The following DOCK5 variants were observed in gnomAD, a reference collection of about 807,000 sequenced individuals.
The protein encoded by DOCK5 is dedicator of cytokinesis 5.
A neutral mutation model predicts 251.8 loss-of-function variants in DOCK5; 142 were observed. The observed-to-expected ratio is 0.56, with a 90% CI of 0.49 to 0.65. The LOEUF (loss-of-function observed/expected upper bound fraction) is 0.65, where lower values mean the gene tolerates loss of function less well. Ranked by LOEUF, DOCK5 falls within the 30% of genes least tolerant of loss-of-function variation. The probability of loss-of-function intolerance (pLI) is 0.00; values close to 1 mark genes in which losing one functional copy is unlikely to be tolerated. For synonymous variants in DOCK5, 842 were observed against 835.5 expected, an observed-to-expected ratio of 1.01 and a Z score of -0.13; for missense variants, 2,111 against 2,312.3, an observed-to-expected ratio of 0.91 and a Z score of 1.79.
intron 48 of DOCK5, among the ~76,000 whole-genome samples, chr8:25,404,732 A>G (rs567672764): frequency 6.6e-6 from 1 of 152,208 alleles, no homozygotes; most frequent in South Asian, 2.1e-4. Flanking sequence ...TCAATATGGG[A>G]AAAATCTCGT....
In DOCK5 at chr8:25,389,129, G is replaced by A. The variant is rs1280996637; in HGVS notation, c.4170G>A (p.Arg1390=). The A allele has an allele frequency of 6.2e-6, 10 of 1,613,870 alleles. No individual in the cohort carries two copies. The highest frequency in any genetic ancestry group is 1.3e-5 in the African/African-American group (1 of 74,910). Residue 1390 remains arginine (R), a synonymous_variant, in exon 41 of 52, where the codon AGG becomes AGA. Transcript: ENST00000276440. ...IFIYRGKEYE[R]REDFSLRLLT... ...TCTATCGGGGAAAGGAGTATGAGAG[G>A]CGAGAGGACTTCAGCCTGAGGTTGT...
intron 5 of DOCK5, among the ~76,000 whole-genome samples, chr8:25,279,471 T>G (rs906690485): frequency 2.0e-5 from 3 of 149,008 alleles, no homozygotes; most frequent in African/African-American, 7.3e-5. Flanking sequence ...TCCTTAATGT[T>G]TTTTTTTTTT....
chr8:25,408,155 G>A lies in DOCK5; in HGVS notation c.5265+1G>A. 6.4e-7 allele frequency: 1 copy of A among 1,570,350 alleles called. No homozygotes were observed. Among genetic ancestry groups the A allele is most frequent in the Non-Finnish European group, 8.6e-7 (1 of 1,158,766 alleles). On this transcript the variant is annotated splice_donor_variant, in intron 49 of 51. Transcript: ENST00000276440. LOFTEE classifies it high-confidence loss of function. ...GAAAGCACCAGAACCCGATTTGATGGTAAAAAACAGAAAAGAAAAAAAGAA... is the reference window on the plus strand; with the variant it reads ...GAAAGCACCAGAACCCGATTTGATGATAAAAAACAGAAAAGAAAAAAAGAA...
At chr8:25,345,335 C>T (rs1288624039) in intron 25 of DOCK5, 140 bp from the exon 26 acceptor site, 3 of 1,130,406 alleles carry the variant, frequency 2.7e-6, no homozygotes, top group East Asian at 4.9e-5. Flanking sequence ...TCCTGGGTGG[C>T]CTGGAGGGGC....
At chr8:25,279,505 C>T (rs1206778981) in intron 5 of DOCK5, among the ~76,000 whole-genome samples, 5 of 150,110 alleles carry the variant, frequency 3.3e-5, no homozygotes, top group African/African-American at 7.4e-5. Context: ...CTCACTCTTT[C>T]GCCCAAGCTG....
At chr8:25,310,303 C>T in intron 12 of DOCK5, 104 bp from the exon 13 acceptor site, 1 of 1,180,110 alleles carries the variant, frequency 8.5e-7, no homozygotes, top group Non-Finnish European at 1.1e-6. Flanking sequence ...TACATCTTTA[C>T]AGTAAGGTTG....
At position 25,319,624 on chromosome 8, in the gene DOCK5, A is replaced by G. The variant is rs762300714; in HGVS notation, c.1490A>G (p.Lys497Arg). The change falls in exon 15 of 52, where the codon AAA becomes AGA. Residue 497 changes from lysine (K) to arginine (R), a missense_variant. Lys to Arg is a conservative substitution (Grantham distance 26). This residue lies in a region of DOCK5 where 1,717 missense variants were observed against 1,892.4 expected (regional missense o/e 0.91). Coordinates refer to ENST00000276440, the MANE Select transcript of DOCK5 (RefSeq NM_024940.8). ...GAGYEGISEY[K>R]SVVYYQVKQP... ...GGATATGAAGGCATTTCAGAATACA[A>G]ATCAGTAGTCTATTACCAAGTCAAG... The G allele has an allele frequency of 2.5e-6, 4 of 1,591,986 alleles. No homozygotes were observed. The highest frequency in any genetic ancestry group is 1.2e-5 in the South Asian group (1 of 86,804).
rs1246188065 is a variant in DOCK5, at chr8:25,345,584, C to G, written c.2727C>G (p.Ile909Met). ...HEASSQLLSN[I>M]LEVLDRKDVG... ...CAAGCTCGCAGCTTCTGAGCAACAT[C>G]CTGGAGGTGCTGGACAGGAAGGATG... The change falls in exon 26 of 52, where the codon ATC becomes ATG. Residue 909 changes from isoleucine (I) to methionine (M), a missense_variant. This residue lies in a region of DOCK5 where 1,717 missense variants were observed against 1,892.4 expected (regional missense o/e 0.91). Coordinates refer to ENST00000276440, the MANE Select transcript of DOCK5 (RefSeq NM_024940.8). 1.2e-6 allele frequency: 2 copies of G among 1,613,706 alleles called. No individual in the cohort carries two copies. The highest frequency in any genetic ancestry group is 1.7e-6 in the Non-Finnish European group (2 of 1,179,826).
intron 2 of DOCK5, among the ~76,000 whole-genome samples, chr8:25,268,546 C>T (rs912807670): frequency 3.3e-5 from 5 of 152,006 alleles, no homozygotes; most frequent in African/African-American, 7.2e-5. Context: ...TGATAAGAAA[C>T]GGGCTGTCTT....
At chr8:25,273,746 G>A (rs1803973824) in intron 3 of DOCK5, among the ~76,000 whole-genome samples, 1 of 152,162 alleles carries the variant, frequency 6.6e-6, no homozygotes, top group African/African-American at 2.4e-5. Flanking sequence ...CCTGAGGGGT[G>A]GCGCATTGAG....
chr8:25,249,306 GGTTTTTTTGTTT>G (rs1298073402), intron 2 of DOCK5, among the ~76,000 whole-genome samples: 2 of 152,026 alleles, frequency 1.3e-5, no homozygotes, highest in Admixed American at 1.3e-4. Flanking sequence ...TGGCCTTGTG[GGTTTTTTTGTTT>G]GTTTTTAATA....
chr8:25,252,544 G>A (rs950876681), intron 2 of DOCK5, among the ~76,000 whole-genome samples: 1 of 152,212 alleles, frequency 6.6e-6, no homozygotes, highest in African/African-American at 2.4e-5. Context: ...AGCCTGGAAA[G>A]CAGATAAGGC....
intron 13 of DOCK5, among the ~76,000 whole-genome samples, chr8:25,311,806 C>G (rs1298531381): frequency 1.3e-5 from 2 of 151,520 alleles, no homozygotes; most frequent in African/African-American, 2.4e-5. Flanking sequence ...CCTGTAGTCC[C>G]AGCTACTCAG....
At chr8:25,292,777 C>A (rs962932052) in intron 6 of DOCK5, among the ~76,000 whole-genome samples, 4 of 152,134 alleles carry the variant, frequency 2.6e-5, no homozygotes, top group African/African-American at 9.7e-5. Flanking sequence ...AATGACCAAG[C>A]CTCTGAAGTT....
chr8:25,408,199 C>A (rs1341713067), intron 49 of DOCK5, 45 bp downstream of exon 49: 2 of 1,529,532 alleles, frequency 1.3e-6, no homozygotes, highest in East Asian at 4.9e-5. Context: ...AGGCTTGCCC[C>A]CCTCTCCCCT....
chr8:25,372,661 C>T lies in DOCK5; in HGVS notation c.3627C>T (p.Thr1209=). ...TAGAGAACCTGCTGGACTATAGAAC[C>T]ATCATCATGCAAGATGAGAGCAAGG... The part of the protein sequence containing the change: ...SLLENLLDYR[T]IIMQDESKEN... Residue 1209 remains threonine (T), a synonymous_variant, in exon 35 of 52, where the codon ACC becomes ACT. Transcript: ENST00000276440. 6.2e-7 allele frequency: 1 copy of T among 1,611,024 alleles called. No homozygotes were observed. Among genetic ancestry groups the T allele is most frequent in the Non-Finnish European group, 8.5e-7 (1 of 1,178,738 alleles).
chr8:25,410,985 ACG>A (rs1563236237), intron 51 of DOCK5, among the ~76,000 whole-genome samples: 18 of 118,984 alleles, frequency 1.5e-4, no homozygotes, highest in South Asian at 2.9e-4. Context: ...GCGCGCGCGC[ACG>A]CACGCACGCA....
chr8:25,252,769 C>T (rs1036710690), intron 2 of DOCK5, among the ~76,000 whole-genome samples: 2 of 152,108 alleles, frequency 1.3e-5, no homozygotes, highest in African/African-American at 2.4e-5. Flanking sequence ...TTAAAAAAAG[C>T]GAATGCCTTC....
rs76055188 is a variant in DOCK5, at chr8:25,222,190, C to A, written c.44-21484C>A. Among the ~76,000 whole-genome samples the A allele has an allele frequency of 4.8e-3, 730 of 152,268 alleles. 10 individuals are homozygous for A. The highest frequency in any genetic ancestry group is 0.017 in the African/African-American group (700 of 41,556). On this transcript the variant is annotated intron_variant, in intron 1 of 51. Transcript: ENST00000276440. ...AACAATGCTCTCCCCAAGGTCCTGG[C>A]ATATGATTAATGCTTTGGTTTGCTT... is the stretch of plus-strand genomic sequence containing the variant.
Sources: allele counts gnomAD v4.1 joint callset (sites outside exome capture counted in the v4.1 genomes callset), GRCh38; gene constraint gnomAD v4.1.1; regional missense constraint gnomAD v4.1.1; transcripts MANE v1.5; gene names NCBI Gene and HGNC (gene_info 2026-07-23, HGNC 2026-07-21).